MEF2A: variants seen among roughly 807,000 people sequenced by gnomAD.
MEF2A encodes myocyte enhancer factor 2A.
A neutral mutation model predicts 55.8 loss-of-function variants in MEF2A; 28 were observed. That is an observed-to-expected ratio of 0.50 (90% confidence interval 0.37 to 0.69). The LOEUF (loss-of-function observed/expected upper bound fraction) is 0.69. Ranked by LOEUF, MEF2A falls within the 30% of genes least tolerant of loss-of-function variation. MEF2A has a pLI of 0.00. For synonymous variants in MEF2A, 239 were observed against 227.1 expected, an observed-to-expected ratio of 1.05 and a Z score of -0.47; for missense variants, 528 against 626.2, an observed-to-expected ratio of 0.84 and a Z score of 1.67.
intron 3 of MEF2A, among the ~76,000 whole-genome samples, chr15:99,635,849 A>G (rs2153427747): frequency 6.6e-6 from 1 of 152,224 alleles, no homozygotes; most frequent in South Asian, 2.1e-4. Flanking sequence ...GGACATTTGG[A>G]TTGTTTTCTA....
At chr15:99,573,152 G>T (rs747141086) in intron 1 of MEF2A, among the ~76,000 whole-genome samples, 5 of 152,148 alleles carry the variant, frequency 3.3e-5, no homozygotes, top group Non-Finnish European at 5.9e-5. Flanking sequence ...GCCGGGCGTG[G>T]TGGTGGGCAC....
chr15:99,680,592 G>A (rs1022498311), intron 7 of MEF2A, among the ~76,000 whole-genome samples: 3 of 152,156 alleles, frequency 2.0e-5, no homozygotes, highest in African/African-American at 7.2e-5. Flanking sequence ...GTTAGAATAA[G>A]CAAAGCTTCA....
intron 8 of MEF2A, chr15:99,690,806 G>T: frequency 2.6e-6 from 1 of 379,632 alleles, no homozygotes. Flanking sequence ...AGGGTGTGTG[G>T]GTGGGAGACG....
chr15:99,692,422 G>T (rs555686710), intron 8 of MEF2A, among the ~76,000 whole-genome samples: 15 of 152,260 alleles, frequency 9.9e-5, no homozygotes, highest in African/African-American at 3.1e-4. Context: ...AGTTTTCCTT[G>T]AACTCATTAT....
Position 99,684,180 on chromosome 15 carries a change from CAT to C in MEF2A, c.671-6060_671-6059del, listed in dbSNP as rs559750220. On this transcript the variant is annotated intron_variant, in intron 7 of 11. Transcript: ENST00000557942. ...CAATTGCAAAATGTGCTGCTATAAA[CAT>C]GTGTGCGCAAGTGTCTTTCATATAC... Among the ~76,000 whole-genome samples, 378 of 152,264 alleles carry C rather than the reference CAT, an allele frequency of 2.5e-3. 1 individual carries two copies. Among genetic ancestry groups the C allele is most frequent in the Non-Finnish European group, 3.4e-3 (230 of 68,022 alleles).
intron 4 of MEF2A, among the ~76,000 whole-genome samples, chr15:99,667,252 T>C (rs1453552764): frequency 2.0e-5 from 3 of 152,102 alleles, no homozygotes; most frequent in South Asian, 2.1e-4. Flanking sequence ...GACAGAGTCT[T>C]GCTCTGTCGC....
chr15:99,692,450 G>A (rs762189017), intron 8 of MEF2A, among the ~76,000 whole-genome samples: 8 of 152,122 alleles, frequency 5.3e-5, no homozygotes, highest in Non-Finnish European at 1.0e-4. Context: ...AGATTTCACG[G>A]CAACCAACTG....
intron 2 of MEF2A, among the ~76,000 whole-genome samples, chr15:99,614,709 A>T (rs2039899412): frequency 6.6e-6 from 1 of 152,222 alleles, no homozygotes; most frequent in Non-Finnish European, 1.5e-5. Context: ...TTGAGGAAAT[A>T]ATGGTAATAC....
intron 1 of MEF2A, among the ~76,000 whole-genome samples, chr15:99,592,078 T>A (rs1385765295): frequency 2.0e-5 from 3 of 152,168 alleles, no homozygotes; most frequent in African/African-American, 7.2e-5. Flanking sequence ...GAAGAGATTT[T>A]AATTTTGTTT....
chr15:99,632,567 G>C (rs1421277224), intron 2 of MEF2A, among the ~76,000 whole-genome samples: 1 of 152,086 alleles, frequency 6.6e-6, no homozygotes, highest in South Asian at 2.1e-4. Flanking sequence ...GACCTTGGGC[G>C]TATTGCTTAA....
intron 8 of MEF2A, among the ~76,000 whole-genome samples, chr15:99,691,446 C>G (rs761243090): frequency 1.3e-5 from 2 of 152,122 alleles, no homozygotes; most frequent in Admixed American, 6.5e-5. Flanking sequence ...ACCTGTAATC[C>G]CAGCACTTTG....
chr15:99,679,417 A>ACCAAACACAGTT (rs1455305767), intron 7 of MEF2A, among the ~76,000 whole-genome samples: 4 of 152,262 alleles, frequency 2.6e-5, no homozygotes, highest in East Asian at 3.8e-4. Context: ...AGTTCTCAAC[A>ACCAAACACAGTT]TGGATGAATG....
chr15:99,681,987 A>C (rs2053336479), intron 7 of MEF2A: 2 of 152,232 alleles, frequency 1.3e-5, no homozygotes, highest in African/African-American at 4.8e-5. Context: ...CTGAATGTCA[A>C]ATTTTATGAA....
At chr15:99,619,293 G>A (rs1352468265) in intron 2 of MEF2A, among the ~76,000 whole-genome samples, 1 of 152,152 alleles carries the variant, frequency 6.6e-6, no homozygotes, top group African/African-American at 2.4e-5. Context: ...GAAAACCAAG[G>A]CAGGGCTTTA....
At chr15:99,710,139 T>C (rs1567511839) in intron 10 of MEF2A, among the ~76,000 whole-genome samples, 1 of 152,202 alleles carries the variant, frequency 6.6e-6, no homozygotes, top group Non-Finnish European at 1.5e-5. Context: ...GACAAAGAAA[T>C]ATTGCTAGAT....
intron 2 of MEF2A, among the ~76,000 whole-genome samples, chr15:99,605,170 A>ACT (rs1308772924): frequency 2.0e-5 from 3 of 152,020 alleles, no homozygotes; most frequent in Admixed American, 6.5e-5. Flanking sequence ...CTGGTCTCGA[A>ACT]CTCCTGGCCT....
intron 1 of MEF2A, among the ~76,000 whole-genome samples, chr15:99,586,146 C>T (rs1463770280): frequency 6.6e-6 from 1 of 151,992 alleles, no homozygotes; most frequent in Non-Finnish European, 1.5e-5. Context: ...TGAGTACATG[C>T]CTTTGTATGG....
intron 1 of MEF2A, among the ~76,000 whole-genome samples, chr15:99,588,202 G>C (rs1045375535): frequency 6.6e-6 from 1 of 151,058 alleles, no homozygotes; most frequent in Admixed American, 6.6e-5. Flanking sequence ...CTGCAGCCTC[G>C]ACTGCCTGGG....
intron 9 of MEF2A, among the ~76,000 whole-genome samples, chr15:99,704,485 T>C (rs1421359359): frequency 6.6e-6 from 1 of 152,238 alleles, no homozygotes; most frequent in Non-Finnish European, 1.5e-5. Flanking sequence ...GCTAAAATAA[T>C]TCACCTTAGG....
Sources: gnomAD v4.1 joint callset for allele counts (sites outside exome capture counted in the v4.1 genomes callset) on GRCh38, gnomAD v4.1.1 for gene constraint, MANE v1.5 for transcripts, NCBI Gene and HGNC (gene_info 2026-07-23, HGNC 2026-07-21) for gene names.